The following MYT1L variants were observed in gnomAD, a reference collection of about 807,000 sequenced individuals.
MYT1L encodes the protein myelin transcription factor 1-like protein.
In MYT1L, 12 loss-of-function variants were observed where a neutral mutation model predicts 126.7. The observed-to-expected ratio is 0.09, with a 90% CI of 0.06 to 0.15. The LOEUF (loss-of-function observed/expected upper bound fraction) is 0.15, where lower values mean the gene tolerates loss of function less well. Ranked by LOEUF, MYT1L falls within the 10% of genes least tolerant of loss-of-function variation. The pLI is 1.00. For synonymous variants in MYT1L, 541 were observed against 604.2 expected, an observed-to-expected ratio of 0.90 and a Z score of 1.53; for missense variants, 979 against 1,585.2, an observed-to-expected ratio of 0.62 and a Z score of 6.49.
intron 9 of MYT1L, among the ~76,000 whole-genome samples, chr2:1,930,887 C>T (rs1355512247): frequency 6.6e-6 from 1 of 152,128 alleles, no homozygotes; most frequent in Non-Finnish European, 1.5e-5. Context: ...AAGCATAATT[C>T]CCCAGGATGT....
At position 2,064,309 on chromosome 2, in the gene MYT1L, G is replaced by A. The variant is rs558794356; in HGVS notation, c.-303-10186C>T. Among the ~76,000 whole-genome samples the A allele has an allele frequency of 2.6e-5, 4 of 152,280 alleles. No homozygotes were observed. In the East Asian group the frequency reaches 7.7e-4, roughly 29 times the overall value. ...TTCAGACCCCCTGAGTACCTTGCTT[G>A]GGAGACTGTGTCCTAACAGCAGGTG... On this transcript the variant is annotated intron_variant, in intron 3 of 24. Transcript: ENST00000647738.
At chr2:2,311,225 C>T (rs7581403) in intron 1 of MYT1L, among the ~76,000 whole-genome samples, 53,240 of 151,952 alleles carry the variant, frequency 0.35, 9,874 homozygotes, top group South Asian at 0.48. Context: ...TGATGTCAAA[C>T]CCAAGCTGAC....
chr2:2,151,366 A>C (rs149036701), intron 3 of MYT1L, among the ~76,000 whole-genome samples: 58 of 152,244 alleles, frequency 3.8e-4, no homozygotes, highest in African/African-American at 1.3e-3. Context: ...CTTAGAAGAA[A>C]AACAGCTGGG....
intron 8 of MYT1L, among the ~76,000 whole-genome samples, chr2:1,956,199 A>ATCTATCTG (rs1205563197): frequency 7.5e-6 from 1 of 134,004 alleles, no homozygotes. Context: ...CTGTCTATCT[A>ATCTATCTG]TCTATCTATC....
At chr2:2,275,024 A>G (rs2095330990) in intron 2 of MYT1L, among the ~76,000 whole-genome samples, 2 of 152,150 alleles carry the variant, frequency 1.3e-5, no homozygotes, top group South Asian at 4.2e-4. Flanking sequence ...TTGCACCCAG[A>G]GCATGAGCAA....
intron 2 of MYT1L, among the ~76,000 whole-genome samples, chr2:2,178,810 C>T (rs966575540): frequency 6.6e-6 from 1 of 152,092 alleles, no homozygotes; most frequent in African/African-American, 2.4e-5. Context: ...TGTACAGGGT[C>T]AAAAGAGAAG....
chr2:2,323,247 C>A (rs1319187704), intron 1 of MYT1L, among the ~76,000 whole-genome samples: 1 of 151,920 alleles, frequency 6.6e-6, no homozygotes, highest in African/African-American at 2.4e-5. Flanking sequence ...TCCCCTCCCC[C>A]CAAAAGTTGT....
chr2:2,215,282 A>T (rs2093646267), intron 2 of MYT1L, among the ~76,000 whole-genome samples: 1 of 152,198 alleles, frequency 6.6e-6, no homozygotes, highest in South Asian at 2.1e-4. Flanking sequence ...ACAATGTAAG[A>T]TCTAACTCTA....
Position 2,284,066 on chromosome 2 carries a change from G to T in MYT1L, c.-421+338C>A, listed in dbSNP as rs79154351. On this transcript the variant is annotated intron_variant, in intron 2 of 24. Coordinates refer to ENST00000647738, the MANE Select transcript of MYT1L (RefSeq NM_001303052.2). ...AAACACCACGTAAGTATAACAAGAA[G>T]AATTAGGAAATTAAACATAACTATA... Among the ~76,000 whole-genome samples the T allele has an allele frequency of 8.0e-3, 1,221 of 152,282 alleles. 13 individuals carry two copies. The highest frequency in any genetic ancestry group is 0.024 in the African/African-American group (991 of 41,556).
chr2:1,814,408 T>C (rs1181223977), intron 21 of MYT1L, among the ~76,000 whole-genome samples: 3 of 152,178 alleles, frequency 2.0e-5, no homozygotes, highest in African/African-American at 7.2e-5. Flanking sequence ...ACATGGGCGG[T>C]TCCCATCCTT....
chr2:1,939,428 C>T (rs1359414870), intron 9 of MYT1L, among the ~76,000 whole-genome samples: 1 of 152,190 alleles, frequency 6.6e-6, no homozygotes, highest in Non-Finnish European at 1.5e-5. Context: ...TGCCAAGCCA[C>T]TGGAAGGGAG....
chr2:1,879,323 C>T (rs2047272821), intron 18 of MYT1L, among the ~76,000 whole-genome samples: 2 of 152,144 alleles, frequency 1.3e-5, no homozygotes, highest in South Asian at 4.1e-4. Context: ...AGATTAAAAC[C>T]TCAGATGTAC....
chr2:2,045,438 G>C (rs2068061122), intron 4 of MYT1L, among the ~76,000 whole-genome samples: 1 of 152,190 alleles, frequency 6.6e-6, no homozygotes, highest in Non-Finnish European at 1.5e-5. Context: ...CAAAACTCCT[G>C]TCTGCAAGTG....
At chr2:2,010,073 A>G (rs2063684549) in intron 4 of MYT1L, among the ~76,000 whole-genome samples, 1 of 152,158 alleles carries the variant, frequency 6.6e-6, no homozygotes, top group Non-Finnish European at 1.5e-5. Context: ...AGATTATTCT[A>G]AAGCTGTGCA....
chr2:2,329,502 A>G (rs567971399), intron 1 of MYT1L, among the ~76,000 whole-genome samples: 9 of 152,336 alleles, frequency 5.9e-5, no homozygotes, highest in African/African-American at 2.2e-4. Context: ...GTCACTTTAA[A>G]TAATCTTCAT....
chr2:2,239,612 C>T (rs758768504), intron 2 of MYT1L, among the ~76,000 whole-genome samples: 4 of 152,178 alleles, frequency 2.6e-5, no homozygotes, highest in African/African-American at 4.8e-5. Context: ...GATGCCATGC[C>T]GTCAACCTAA....
chr2:2,067,990 A>G (rs928843868), intron 3 of MYT1L, among the ~76,000 whole-genome samples: 20 of 152,130 alleles, frequency 1.3e-4, no homozygotes, highest in Admixed American at 1.2e-3. Context: ...GTTTAATTAC[A>G]ATGTTTTTTG....
rs114616576 is a variant in MYT1L at position 1,839,951 on chromosome 2, T to C, written c.2859-581A>G. Among the ~76,000 whole-genome samples the C allele has an allele frequency of 9.5e-3, 1,445 of 152,220 alleles. 27 individuals carry two copies. The highest frequency in any genetic ancestry group is 0.033 in the African/African-American group (1,355 of 41,528). On this transcript the variant is annotated intron_variant, in intron 20 of 24. Transcript: ENST00000647738. ...CAGGGACACGGGACAGGTGTGTTCC[T>C]GGGAACTTGTGAATGGCAGGACCAA...
intron 4 of MYT1L, among the ~76,000 whole-genome samples, chr2:2,020,026 G>A (rs774701705): frequency 2.6e-5 from 4 of 151,922 alleles, no homozygotes; most frequent in Non-Finnish European, 5.9e-5. Flanking sequence ...TGTATTTTTT[G>A]TAGAGACGAG....
Sources: gnomAD v4.1 joint callset for allele counts (sites outside exome capture counted in the v4.1 genomes callset) on GRCh38, gnomAD v4.1.1 for gene constraint, MANE v1.5 for transcripts, NCBI Gene and HGNC (gene_info 2026-07-23, HGNC 2026-07-21) for gene names.